The following SGCD variants were observed in gnomAD, a reference collection of about 807,000 sequenced individuals.
SGCD encodes the protein delta-sarcoglycan.
Under a neutral mutation model 36.6 loss-of-function variants are expected in SGCD, and 18 were observed. The observed-to-expected ratio is 0.49, with a 90% CI of 0.34 to 0.73. The LOEUF is 0.73. SGCD is among the 30% of genes least tolerant of loss of function. The probability of loss-of-function intolerance (pLI) is 0.01; values close to 1 mark genes in which losing one functional copy is unlikely to be tolerated. For missense variants in SGCD, 387 were observed against 346.7 expected (o/e 1.12, Z -0.92); for synonymous variants, 133 against 130.6 (o/e 1.02, Z -0.12).
At chr5:155,967,298 T>C (rs1757921518) in intron 1 of SGCD, among the ~76,000 whole-genome samples, 1 of 151,984 alleles carries the variant, frequency 6.6e-6, no homozygotes, top group Non-Finnish European at 1.5e-5. Context: ...GGTTGTGTTG[T>C]TGCACTTGGA....
chr5:155,856,094 A>C, the SGCD span, among the ~76,000 whole-genome samples: 1 of 152,230 alleles, frequency 6.6e-6, no homozygotes, highest in Non-Finnish European at 1.5e-5. Flanking sequence ...GAACTTGAAA[A>C]GGTAGCAATA....
chr5:155,840,491 G>A, the SGCD span, among the ~76,000 whole-genome samples: 6 of 148,700 alleles, frequency 4.0e-5, no homozygotes, highest in South Asian at 2.1e-4. Flanking sequence ...GGGTTTCACC[G>A]TGTTAGCCAG....
chr5:156,379,189 A>G (rs1035053759), intron 3 of SGCD, among the ~76,000 whole-genome samples: 3 of 152,232 alleles, frequency 2.0e-5, no homozygotes, highest in African/African-American at 7.2e-5. Context: ...ACATTAAACA[A>G]GATAAAAAGG....
At chr5:156,178,548 A>T (rs891386608) in intron 3 of SGCD, among the ~76,000 whole-genome samples, 1 of 152,182 alleles carries the variant, frequency 6.6e-6, no homozygotes, top group African/African-American at 2.4e-5. Context: ...ACATGCTTTC[A>T]ATATAATTTT....
chr5:156,127,518 A>G (rs567564904), intron 3 of SGCD, among the ~76,000 whole-genome samples: 7 of 152,244 alleles, frequency 4.6e-5, no homozygotes, highest in Admixed American at 4.6e-4. Context: ...TCAGGAGGCT[A>G]AGGTGAAGAG....
Position 156,735,169 on chromosome 5 carries a change from T to C in SGCD, c.576-22412T>C, listed in dbSNP as rs148317248. Among the ~76,000 whole-genome samples, 571 of 152,330 alleles carry C rather than the reference T, an allele frequency of 3.7e-3. 3 individuals are homozygous for C. Among genetic ancestry groups the C allele is most frequent in the African/African-American group, 0.013 (543 of 41,586 alleles). ...GTGAACAGCAAAGATGGCAGCCTCCTTCTTTCTCTGGGAGCTCCATCCCAG... is the reference window on the plus strand; with the variant it reads ...GTGAACAGCAAAGATGGCAGCCTCCCTCTTTCTCTGGGAGCTCCATCCCAG... On this transcript the variant is annotated intron_variant, in intron 7 of 8. Transcript: ENST00000337851.
Position 156,206,302 on chromosome 5 carries a change from T to A in SGCD, c.-44+82283T>A, listed in dbSNP as rs369281872. Among the ~76,000 whole-genome samples the A allele has an allele frequency of 1.3e-4, 20 of 152,088 alleles. No individual in the cohort carries two copies. In the South Asian group the frequency reaches 3.1e-3, roughly 24 times the overall value. On this transcript the variant is annotated intron_variant, in intron 3 of 9. Transcript: ENST00000517913. Reference sequence around the variant, plus strand: ...TCGGGGTTTTCCCAATATTTTTTGGTCACAATTAATACTACCATGAATAAG... The same window carrying A: ...TCGGGGTTTTCCCAATATTTTTTGGACACAATTAATACTACCATGAATAAG...
At chr5:156,285,123 G>A (rs182510909) in intron 3 of SGCD, among the ~76,000 whole-genome samples, 4 of 152,186 alleles carry the variant, frequency 2.6e-5, no homozygotes, top group African/African-American at 4.8e-5. Context: ...CAAGGGATAT[G>A]AAGGACCTCT....
chr5:155,771,632 C>T, the SGCD span, among the ~76,000 whole-genome samples: 1 of 152,094 alleles, frequency 6.6e-6, no homozygotes, highest in Admixed American at 6.5e-5. Context: ...ACCATGTTGG[C>T]CAGGCTGTTC....
chr5:155,892,090 T>G (rs965804797), intron 1 of SGCD, among the ~76,000 whole-genome samples: 6 of 152,194 alleles, frequency 3.9e-5, no homozygotes, highest in Non-Finnish European at 7.3e-5. Flanking sequence ...ATGAATAAAT[T>G]AGACACGTAG....
upstream of SGCD, among the ~76,000 whole-genome samples, chr5:155,867,871 G>A (rs1161392695): frequency 6.6e-6 from 1 of 152,146 alleles, no homozygotes. Context: ...GAAACATTAA[G>A]TAATTGGTCT....
chr5:156,469,496 A>G (rs938536710), intron 3 of SGCD, among the ~76,000 whole-genome samples: 26 of 152,224 alleles, frequency 1.7e-4, no homozygotes, highest in African/African-American at 6.3e-4. Flanking sequence ...ACAGATTTTT[A>G]TATTTATTTA....
intron 7 of SGCD, among the ~76,000 whole-genome samples, chr5:156,744,718 CA>C (rs759655756): frequency 9.9e-5 from 15 of 152,206 alleles, no homozygotes; most frequent in Admixed American, 2.6e-4. Flanking sequence ...CCATGATCAA[CA>C]AACTTCCATG....
Position 156,158,419 on chromosome 5 carries a change from G to A in SGCD, c.-44+34400G>A, listed in dbSNP as rs147998854. 2.0e-4 allele frequency among the ~76,000 whole-genome samples: 30 copies of A among 151,738 alleles called. No individual in the cohort carries two copies. In the East Asian group the frequency reaches 5.6e-3, roughly 28 times the overall value. ...GGGCCTACTCAAGCTGAGAATGTGG[G>A]AAGAGTTTAAAGCAATCTTGGAGAG... On this transcript the variant is annotated intron_variant, in intron 3 of 9. Coordinates refer to the SGCD transcript ENST00000517913.
At chr5:155,812,712 A>G in the SGCD span, among the ~76,000 whole-genome samples, 1 of 152,206 alleles carries the variant, frequency 6.6e-6, no homozygotes, top group Non-Finnish European at 1.5e-5. Context: ...TATGAGTCCA[A>G]TCGCCAATGC....
intron 7 of SGCD, among the ~76,000 whole-genome samples, chr5:156,742,230 C>G (rs1367509460): frequency 6.6e-6 from 1 of 152,102 alleles, no homozygotes; most frequent in African/African-American, 2.4e-5. Flanking sequence ...CTCAGCGATA[C>G]GGAAATACTC....
intron 4 of SGCD, among the ~76,000 whole-genome samples, chr5:156,530,648 C>T (rs571541098): frequency 8.6e-5 from 13 of 150,968 alleles, no homozygotes; most frequent in Non-Finnish European, 1.6e-4. Flanking sequence ...GGTGCAATCT[C>T]GGCTCACTGC....
chr5:156,427,801 AT>A (rs1184691010), intron 3 of SGCD, among the ~76,000 whole-genome samples: 2 of 152,054 alleles, frequency 1.3e-5, no homozygotes, highest in Non-Finnish European at 2.9e-5. Context: ...TGATCATATG[AT>A]TTTTGTTTTT....
chr5:156,451,683 C>T (rs1754024445), intron 3 of SGCD, among the ~76,000 whole-genome samples: 1 of 152,130 alleles, frequency 6.6e-6, no homozygotes, highest in South Asian at 2.1e-4. Flanking sequence ...TTTGCTAAAT[C>T]CTTACTCAGT....
Sources: gnomAD v4.1 joint callset for allele counts (sites outside exome capture counted in the v4.1 genomes callset) on GRCh38, gnomAD v4.1.1 for gene constraint, MANE v1.5 for transcripts, NCBI Gene and HGNC (gene_info 2026-07-23, HGNC 2026-07-21) for gene names.